The following DOK7 variants were observed in gnomAD, a reference collection of about 807,000 sequenced individuals.
DOK7 encodes the protein docking protein 7, also known as protein Dok-7.
DOK7 carries 32 observed loss-of-function variants against 30.7 expected under a neutral mutation model. That is an observed-to-expected ratio of 1.04 (90% CI 0.79 to 1.40). The LOEUF (loss-of-function observed/expected upper bound fraction) is 1.40, where lower values mean the gene tolerates loss of function less well. DOK7 is among the 40% of genes most tolerant of loss of function. The probability of loss-of-function intolerance (pLI) is 0.00; values close to 1 mark genes in which losing one functional copy is unlikely to be tolerated. For synonymous variants in DOK7, 447 were observed against 324.1 expected (o/e 1.38, Z -4.07); for missense variants, 1,007 against 699.2 (o/e 1.44, Z -4.97).
chr4:3,492,494 G>T (rs1241755476), intron 6 of DOK7, among the ~76,000 whole-genome samples: 4 of 152,120 alleles, frequency 2.6e-5, no homozygotes, highest in Non-Finnish European at 4.4e-5. Context: ...CAAGGTAGTG[G>T]CAGGGGTGCT....
At chr4:3,489,892 C>T in intron 6 of DOK7, 96 bp downstream of exon 6, 4 of 1,497,524 alleles carry the variant, frequency 2.7e-6, no homozygotes, top group Non-Finnish European at 3.6e-6. Flanking sequence ...GCTGCAGGCT[C>T]CCTCTGCTCA....
chr4:3,496,752 G>T, downstream of DOK7: 1 of 1,513,366 alleles, frequency 6.6e-7, no homozygotes, highest in Non-Finnish European at 8.8e-7. Flanking sequence ...CTTGTTCTCG[G>T]TGGCCCCCCG....
At chr4:3,482,070 G>A (rs752611268) in intron 4 of DOK7, among the ~76,000 whole-genome samples, 7 of 151,970 alleles carry the variant, frequency 4.6e-5, no homozygotes, top group Non-Finnish European at 1.0e-4. Flanking sequence ...TTACCCTCAC[G>A]CCTCCTATCC....
chr4:3,466,763 T>G (rs562914187), intron 2 of DOK7, among the ~76,000 whole-genome samples: 1 of 152,202 alleles, frequency 6.6e-6, no homozygotes, highest in Admixed American at 6.5e-5. Flanking sequence ...AATGGAGAGG[T>G]GGGCGCGAGG....
intron 2 of DOK7, among the ~76,000 whole-genome samples, chr4:3,464,765 T>C (rs1726178147): frequency 6.6e-6 from 1 of 152,080 alleles, no homozygotes. Flanking sequence ...TCTTTGTCCC[T>C]GTTGGAGGGA....
At chr4:3,464,238 G>A (rs1049140347) in intron 2 of DOK7, among the ~76,000 whole-genome samples, 4 of 152,204 alleles carry the variant, frequency 2.6e-5, no homozygotes, top group Admixed American at 6.5e-5. Context: ...TGGGATGCTC[G>A]GCCTGTGTGC....
chr4:3,497,421 G>A (rs1201196732), downstream of DOK7, among the ~76,000 whole-genome samples: 1 of 152,096 alleles, frequency 6.6e-6, no homozygotes, highest in Non-Finnish European at 1.5e-5. Context: ...GGGCCAGGCA[G>A]GGAGGCAGTG....
Position 3,476,445 on chromosome 4 carries a change from C to T in DOK7, c.435C>T (p.Pro145=), listed in dbSNP as rs1039598651. 3.7e-6 allele frequency: 6 copies of T among 1,613,784 alleles called. No individual in the cohort carries two copies. Among genetic ancestry groups the T allele is most frequent in the Non-Finnish European group, 5.1e-6 (6 of 1,180,038 alleles). ...NDVLVLARDI[P]PAVTGQWKLS... The stretch of plus-strand genomic sequence containing the variant: ...TCCTCGTCTTGGCCAGGGACATCCC[C>T]CCGGCTGTCACGGGGCAGTGGAAGC... The change falls in exon 4 of 7, where the codon CCC becomes CCT. Residue 145 remains proline, a synonymous_variant. Transcript: ENST00000340083.
intron 4 of DOK7, among the ~76,000 whole-genome samples, chr4:3,477,417 G>A (rs917888666): frequency 3.3e-5 from 5 of 152,376 alleles, no homozygotes; most frequent in East Asian, 1.9e-4. Flanking sequence ...TGTCTGGGTG[G>A]AGGAAACGCA....
At position 3,463,406 on chromosome 4, in the gene DOK7, G is replaced by T. The variant is rs370421989; in HGVS notation, c.31G>T (p.Val11Phe). 1 of 1,483,040 alleles carries T rather than the reference G, an allele frequency of 6.7e-7. No individual in the cohort carries two copies. The highest frequency in any genetic ancestry group is 8.9e-7 in the Non-Finnish European group (1 of 1,129,638). The allele number at this position is 1,483,040 out of a possible 1,614,324, so 91.9% of individuals were successfully genotyped here. ...CGAGGCGGCGCTGGTGGAGGGCCAG[G>T]TCAAGCTGCGGGACGGCAAGAAGGT... is the stretch of plus-strand genomic sequence containing the variant. MTEAALVEGQ[V>F]KLRDGKKWKS... Residue 11 changes from valine to phenylalanine, a missense_variant, in exon 1 of 7, where the codon GTC becomes TTC. Val to Phe is a conservative substitution (Grantham distance 50, BLOSUM62 -1). Transcript: ENST00000340083.
At chr4:3,485,450 A>G (rs1727710163) in intron 4 of DOK7, 89 bp from the exon 5 acceptor site, 2 of 1,381,106 alleles carry the variant, frequency 1.4e-6, no homozygotes, top group South Asian at 1.9e-5. Flanking sequence ...CTCTTGGTGG[A>G]GTTTGCTGCG....
chr4:3,500,305 A>G (rs1469853843), exon 7 of DOK7: 2 of 1,535,868 alleles, frequency 1.3e-6, no homozygotes, highest in Non-Finnish European at 1.7e-6. Context: ...CCGCGCGGCG[A>G]GTCGCCCACT....
intron 6 of DOK7, 133 bp downstream of exon 6, chr4:3,489,929 C>T: frequency 2.9e-6 from 4 of 1,382,148 alleles, no homozygotes; most frequent in Non-Finnish European, 3.9e-6. Flanking sequence ...GTCTCCTGCT[C>T]ATTCATTCTT....
intron 6 of DOK7, 44 bp from the exon 7 acceptor site, chr4:3,492,715 C>A (rs753417285): frequency 3.8e-6 from 6 of 1,587,582 alleles, no homozygotes; most frequent in Non-Finnish European, 5.1e-6. Context: ...CCTGCCCAGA[C>A]CCCTGTACCC....
chr4:3,496,307 A>C (rs1204423623), downstream of DOK7, among the ~76,000 whole-genome samples: 1 of 152,180 alleles, frequency 6.6e-6, no homozygotes, highest in Non-Finnish European at 1.5e-5. Flanking sequence ...GGGGCCTCCC[A>C]GTGGGGCATT....
At position 3,493,043 on chromosome 4, in the gene DOK7, T is replaced by C. The variant is rs931160069; in HGVS notation, c.1057T>C (p.Ser353Pro). 3.2e-6 allele frequency: 5 copies of C among 1,573,110 alleles called. No homozygotes were observed. In the African/African-American group the frequency reaches 5.4e-5, roughly 17 times the overall value. The change falls in exon 7 of 7, where the codon TCG (serine) becomes CCG (proline). Residue 353 changes from serine to proline, a missense_variant. Coordinates refer to ENST00000340083, the MANE Select transcript of DOK7 (RefSeq NM_173660.5). Reference protein sequence around the residue: ...GSHSSYSSSLSSYAGSSLDVW... With the variant: ...GSHSSYSSSLPSYAGSSLDVW... ...CCACTCCTCTTACTCCAGCAGCCTC[T>C]CGTCCTACGCGGGCAGCAGCCTGGA...
chr4:3,467,455 C>T lies in DOK7; in HGVS notation c.100+3904C>T, dbSNP rs547993556. Among the ~76,000 whole-genome samples the T allele has an allele frequency of 2.1e-4, 27 of 131,326 alleles. No homozygotes were observed. In the East Asian group the frequency reaches 7.8e-3, roughly 38 times the overall value. 86.2% of individuals were successfully genotyped at this position (131,326 alleles called of 152,430 possible). ...CCTCACGTGTCCAGGGAAGACCCCC[C>T]CCCCCCACCCCAGACATCCCTCCCC... is the stretch of plus-strand genomic sequence containing the variant. On this transcript the variant is annotated intron_variant, in intron 2 of 6. Coordinates refer to ENST00000340083, the MANE Select transcript of DOK7 (RefSeq NM_173660.5).
chr4:3,480,950 G>A (rs1560216352), intron 4 of DOK7, among the ~76,000 whole-genome samples: 1 of 152,190 alleles, frequency 6.6e-6, no homozygotes, highest in Admixed American at 6.5e-5. Flanking sequence ...CTCTGGAGGG[G>A]CGAGCCTCAG....
chr4:3,490,302 G>GC (rs149731759), intron 6 of DOK7, among the ~76,000 whole-genome samples: 10,375 of 50,408 alleles, frequency 0.21, 1,126 homozygotes, highest in Non-Finnish European at 0.24. Context: ...TTCTTCCTCC[G>GC]CCCCCCCGGC....
Sources: gnomAD v4.1 joint callset for allele counts (sites outside exome capture counted in the v4.1 genomes callset) on GRCh38, gnomAD v4.1.1 for gene constraint, MANE v1.5 for transcripts, NCBI Gene and HGNC (gene_info 2026-07-23, HGNC 2026-07-21) for gene names.